Variants in STK32C observed in about 807,000 individuals in gnomAD.
The protein encoded by STK32C is serine/threonine-protein kinase 32C.
In STK32C, 31 loss-of-function variants were observed where a neutral mutation model predicts 56.5. The ratio of observed to expected loss-of-function variants is 0.55; its 90% CI spans 0.41 to 0.74. The LOEUF is 0.74. STK32C is among the 30% of genes least tolerant of loss of function. The pLI, the probability that STK32C is intolerant of heterozygous loss-of-function variation, is 0.00. For synonymous variants in STK32C, 309 were observed against 289.4 expected (o/e 1.07, Z -0.69); for missense variants, 544 against 676.9 (o/e 0.80, Z 2.18).
chr10:132,297,607 T>C (rs1357718214), intron 1 of STK32C, among the ~76,000 whole-genome samples: 1 of 152,248 alleles, frequency 6.6e-6, no homozygotes, highest in African/African-American at 2.4e-5. Context: ...TTTCTGCCTT[T>C]GGAGATAAAA....
Position 132,222,882 on chromosome 10 carries a change from C to T in STK32C, c.1098G>A (p.Val366=), listed in dbSNP as rs748663634. The change falls in exon 9 of 12, where the codon GTG becomes GTA. Residue 366 remains valine (V), a synonymous_variant. Transcript: ENST00000298630. ...TTACGTTGGGCACGAAGCCCGGCTCCACCCTCTTCTCGCTCAGGTGGTCCC... is the reference window on the plus strand; with the variant it reads ...TTACGTTGGGCACGAAGCCCGGCTCTACCCTCTTCTCGCTCAGGTGGTCCC... The part of the protein sequence containing the change: ...VLWDHLSEKR[V]EPGFVPNKGR... The T allele has an allele frequency of 6.3e-7, 1 of 1,576,310 alleles. No individual in the cohort carries two copies. Among genetic ancestry groups the T allele is most frequent in the African/African-American group, 1.4e-5 (1 of 74,050 alleles).
intron 1 of STK32C, among the ~76,000 whole-genome samples, chr10:132,294,725 A>G (rs574017120): frequency 8.5e-5 from 13 of 152,270 alleles, no homozygotes; most frequent in African/African-American, 2.9e-4. Flanking sequence ...GGCATGGGTC[A>G]GTGCACCAGC....
At chr10:132,257,181 C>A (rs1162034839) in intron 1 of STK32C, among the ~76,000 whole-genome samples, 10 of 152,114 alleles carry the variant, frequency 6.6e-5, no homozygotes, top group Admixed American at 6.5e-4. Flanking sequence ...ACAGGACATG[C>A]CCTGAAAGAC....
intron 1 of STK32C, among the ~76,000 whole-genome samples, chr10:132,267,982 C>A (rs1016095909): frequency 1.6e-4 from 13 of 80,550 alleles, no homozygotes; most frequent in Non-Finnish European, 3.1e-4. Flanking sequence ...TGTCCCACAT[C>A]GTGTGTGTGT....
chr10:132,241,341 C>G (rs953325260), intron 2 of STK32C, among the ~76,000 whole-genome samples: 5 of 152,202 alleles, frequency 3.3e-5, no homozygotes, highest in Non-Finnish European at 7.3e-5. Context: ...ACAAGGTCGA[C>G]AATTTAACAC....
intron 1 of STK32C, chr10:132,330,198 A>C (rs2066620353): frequency 4.0e-6 from 2 of 504,626 alleles, no homozygotes; most frequent in African/African-American, 3.9e-5. Flanking sequence ...TCGTACATAC[A>C]ATTAACTACT....
chr10:132,217,032 G>A (rs1416807383), intron 10 of STK32C, among the ~76,000 whole-genome samples: 1 of 151,738 alleles, frequency 6.6e-6, no homozygotes, highest in Non-Finnish European at 1.5e-5. Context: ...TCTGAGAAGA[G>A]GGCCACCATC....
intron 1 of STK32C, among the ~76,000 whole-genome samples, chr10:132,253,156 G>C (rs949545547): frequency 2.0e-5 from 3 of 152,210 alleles, no homozygotes; most frequent in African/African-American, 7.2e-5. Flanking sequence ...GGCTTACCAG[G>C]AGCAACAAAA....
chr10:132,232,763 AAACGCCACTGACGGGGAGGCCAC>A (rs1189458587), intron 2 of STK32C, among the ~76,000 whole-genome samples: 1 of 150,276 alleles, frequency 6.7e-6, no homozygotes, highest in East Asian at 2.0e-4. Flanking sequence ...TTTTCCTATG[AAACGCCACTGACGGGGAGGCCAC>A]AGCGCCACCC....
intron 10 of STK32C, among the ~76,000 whole-genome samples, chr10:132,219,695 G>A (rs571746462): frequency 7.9e-5 from 12 of 152,244 alleles, no homozygotes; most frequent in South Asian, 6.2e-4. Context: ...CAGGGCTGCC[G>A]GCAGCCGTCC....
intron 2 of STK32C, among the ~76,000 whole-genome samples, chr10:132,237,191 ACTG>A (rs2063325105): frequency 4.6e-5 from 7 of 151,796 alleles, no homozygotes; most frequent in Admixed American, 2.0e-4. Context: ...TGCTCCCTGG[ACTG>A]TGCTCCCTGG....
chr10:132,280,561 C>A (rs1335991246), intron 1 of STK32C, among the ~76,000 whole-genome samples: 1 of 143,588 alleles, frequency 7.0e-6, no homozygotes, highest in African/African-American at 2.6e-5. Flanking sequence ...CACGCCCCTG[C>A]ACCCCGTGAC....
chr10:132,228,056 C>A lies in STK32C; in HGVS notation c.391G>T (p.Glu131Ter). Residue 131 changes from glutamate (E) to a stop codon, truncating the protein, a stop_gained, in exon 3 of 12, where the codon GAG (glutamate) becomes TAG (stop). Transcript: ENST00000298630. LOFTEE classifies it high-confidence loss of function. The stretch of plus-strand genomic sequence containing the variant: ...AAGACGTTGCGGACCTCGTCGCGCT[C>A]GATGCACTGCTGCTTGTTCATGTAC... ...MKYMNKQQCI[E>*]RDEVRNVFRE... 6.2e-7 allele frequency: 1 copy of A among 1,614,022 alleles called. No homozygotes were observed. The highest frequency in any genetic ancestry group is 8.5e-7 in the Non-Finnish European group (1 of 1,180,030).
At chr10:132,217,983 T>C (rs2062521484) in intron 10 of STK32C, among the ~76,000 whole-genome samples, 1 of 152,140 alleles carries the variant, frequency 6.6e-6, no homozygotes, top group African/African-American at 2.4e-5. Flanking sequence ...CAAGCAGTCC[T>C]CTTGCCTCAG....
chr10:132,291,213 G>A (rs78486122), intron 1 of STK32C, among the ~76,000 whole-genome samples: 2,189 of 152,314 alleles, frequency 0.014, 58 homozygotes, highest in African/African-American at 0.05. Flanking sequence ...GAGCATTGCC[G>A]TTTCTTAATT....
intron 1 of STK32C, among the ~76,000 whole-genome samples, chr10:132,291,184 A>G (rs2065552533): frequency 6.6e-6 from 1 of 152,220 alleles, no homozygotes; most frequent in African/African-American, 2.4e-5. Flanking sequence ...GCGGTGGCTG[A>G]GCTGGCTTGC....
chr10:132,277,331 C>G (rs1466788747), intron 1 of STK32C, among the ~76,000 whole-genome samples: 2 of 152,262 alleles, frequency 1.3e-5, no homozygotes, highest in Non-Finnish European at 2.9e-5. Flanking sequence ...GGCCACAAAA[C>G]TGGGCTCCAG....
intron 8 of STK32C, among the ~76,000 whole-genome samples, 188 bp from the exon 9 acceptor site, chr10:132,223,174 C>T (rs997820637): frequency 6.6e-6 from 1 of 152,238 alleles, no homozygotes; most frequent in Non-Finnish European, 1.5e-5. Context: ...CCGTGGCTGG[C>T]TCAGCATGTG....
chr10:132,305,882 G>A (rs1277213543), intron 1 of STK32C, among the ~76,000 whole-genome samples: 1 of 152,184 alleles, frequency 6.6e-6, no homozygotes, highest in African/African-American at 2.4e-5. Context: ...CGGGTGCTCA[G>A]TTTGGGGATG....
Sources: allele counts gnomAD v4.1 joint callset (sites outside exome capture counted in the v4.1 genomes callset), GRCh38; gene constraint gnomAD v4.1.1; transcripts MANE v1.5; gene names NCBI Gene and HGNC (gene_info 2026-07-23, HGNC 2026-07-21).